Variants in PVT1 observed in about 807,000 individuals in gnomAD.
The protein encoded by PVT1 is CXCR4/PVT1 fusion.
chr8:127,920,157 C>T (rs1816039887), intron 3 of PVT1, among the ~76,000 whole-genome samples: 1 of 152,212 alleles, frequency 6.6e-6, no homozygotes, highest in African/African-American at 2.4e-5. Context: ...AATAAACTCA[C>T]TGCCAACATT....
chr8:127,928,466 A>G (rs931835904), intron 3 of PVT1, among the ~76,000 whole-genome samples: 2 of 152,120 alleles, frequency 1.3e-5, no homozygotes, highest in African/African-American at 4.8e-5. Context: ...TGTCTTCTTT[A>G]TCATCTGCTC....
intron 5 of PVT1, among the ~76,000 whole-genome samples, chr8:128,094,424 A>G (rs1029313784): frequency 6.6e-6 from 1 of 152,232 alleles, no homozygotes; most frequent in African/African-American, 2.4e-5. Flanking sequence ...GCACACAACT[A>G]TGCTTGTTCA....
rs373653238 is a variant in PVT1 at position 127,805,566 on chromosome 8, A to G, written n.372+9495A>G. On this transcript the variant is annotated intron_variant and non_coding_transcript_variant, in intron 2 of 10. Coordinates refer to ENST00000651587, the Ensembl canonical transcript of PVT1. ...TATGTACAGTGTTATATGCTCGCAC[A>G]TGTTTATGTGCAGCCTATGCACCTG... Among the ~76,000 whole-genome samples the G allele has an allele frequency of 3.0e-4, 46 of 152,268 alleles. No homozygotes were observed. In the South Asian group the frequency reaches 9.6e-3, roughly 32 times the overall value.
At chr8:127,994,167 T>C (rs1817077182) in intron 4 of PVT1, among the ~76,000 whole-genome samples, 1 of 152,244 alleles carries the variant, frequency 6.6e-6, no homozygotes, top group Non-Finnish European at 1.5e-5. Context: ...CATTGTCCTC[T>C]GCCCACTCCT....
intron 2 of PVT1, among the ~76,000 whole-genome samples, chr8:127,860,094 G>A (rs1171607109): frequency 1.3e-5 from 2 of 152,188 alleles, no homozygotes; most frequent in African/African-American, 4.8e-5. Flanking sequence ...ACCAGGAACG[G>A]TGTGTGTGCC....
intron 5 of PVT1, among the ~76,000 whole-genome samples, chr8:128,074,970 A>G (rs1046199226): frequency 6.6e-6 from 1 of 152,386 alleles, no homozygotes; most frequent in East Asian, 1.9e-4. Flanking sequence ...TTTAAAAAGT[A>G]ACAAAACCAT....
intron 5 of PVT1, among the ~76,000 whole-genome samples, chr8:128,071,548 G>T (rs1351326231): frequency 6.6e-6 from 1 of 151,494 alleles, no homozygotes; most frequent in East Asian, 1.9e-4. Context: ...AAGCAGTTTT[G>T]GTGGCACATG....
intron 3 of PVT1, among the ~76,000 whole-genome samples, chr8:127,912,886 T>C (rs1482849545): frequency 6.6e-6 from 1 of 152,174 alleles, no homozygotes; most frequent in Non-Finnish European, 1.5e-5. Flanking sequence ...TTAGTAGAAA[T>C]GGGGTTTCAC....
intron 2 of PVT1, among the ~76,000 whole-genome samples, chr8:127,816,435 G>A (rs1264786151): frequency 1.3e-5 from 2 of 150,446 alleles, no homozygotes; most frequent in Non-Finnish European, 3.0e-5. Flanking sequence ...GGCGTGAGCC[G>A]CTATGCCAGG....
chr8:127,927,394 T>C (rs199624435), intron 3 of PVT1, among the ~76,000 whole-genome samples: 2 of 152,186 alleles, frequency 1.3e-5, no homozygotes, highest in East Asian at 3.8e-4. Flanking sequence ...CTTTTGTTCA[T>C]GTACTTTCCT....
chr8:128,086,253 G>T (rs1000583548), intron 5 of PVT1, among the ~76,000 whole-genome samples: 4 of 152,288 alleles, frequency 2.6e-5, no homozygotes, highest in African/African-American at 9.6e-5. Flanking sequence ...GCAGAGGGGG[G>T]TCTAGGCAGT....
chr8:127,895,236 C>T (rs939413705), intron 3 of PVT1, among the ~76,000 whole-genome samples: 4 of 152,086 alleles, frequency 2.6e-5, no homozygotes, highest in African/African-American at 4.8e-5. Context: ...TTTGGGAGGC[C>T]GAGGTGGGCA....
chr8:127,804,429 C>A, intron 2 of PVT1, among the ~76,000 whole-genome samples: 1 of 152,070 alleles, frequency 6.6e-6, no homozygotes, highest in East Asian at 1.9e-4. Flanking sequence ...CTTTGGCCTC[C>A]CAAAGTGTTG....
At chr8:127,877,466 C>G (rs183925678) in intron 2 of PVT1, among the ~76,000 whole-genome samples, 1 of 151,946 alleles carries the variant, frequency 6.6e-6, no homozygotes, top group Non-Finnish European at 1.5e-5. Context: ...ACCTCTACCC[C>G]GAGGGTCTCT....
intron 5 of PVT1, among the ~76,000 whole-genome samples, chr8:128,076,548 G>C (rs1334651083): frequency 6.6e-6 from 1 of 152,050 alleles, no homozygotes. Flanking sequence ...TATGATGATG[G>C]GAAAAAAGGT....
chr8:128,097,627 T>G (rs921768063), intron 6 of PVT1, among the ~76,000 whole-genome samples: 1 of 152,110 alleles, frequency 6.6e-6, no homozygotes, highest in Non-Finnish European at 1.5e-5. Flanking sequence ...ACAGACTCAT[T>G]TCCTTTCTCT....
chr8:128,074,228 C>T (rs753835052), intron 5 of PVT1, among the ~76,000 whole-genome samples: 23 of 152,132 alleles, frequency 1.5e-4, no homozygotes, highest in African/African-American at 4.1e-4. Flanking sequence ...ATATCCCGAC[C>T]GGGCACAGTG....
At chr8:127,830,052 C>T (rs902357954) in intron 2 of PVT1, among the ~76,000 whole-genome samples, 1 of 152,200 alleles carries the variant, frequency 6.6e-6, no homozygotes, top group Non-Finnish European at 1.5e-5. Context: ...ATCCAGGGCC[C>T]ACCCTGATCC....
At chr8:127,827,169 G>C (rs1814800047) in intron 2 of PVT1, among the ~76,000 whole-genome samples, 1 of 151,784 alleles carries the variant, frequency 6.6e-6, no homozygotes, top group Non-Finnish European at 1.5e-5. Context: ...CTAATTTTGT[G>C]TTTTTAGTAG....
Sources: allele counts gnomAD v4.1 joint callset (sites outside exome capture counted in the v4.1 genomes callset), GRCh38; gene constraint gnomAD v4.1.1; transcripts MANE v1.5; gene names NCBI Gene and HGNC (gene_info 2026-07-23, HGNC 2026-07-21).